The following NKAIN1 variants were observed in gnomAD, a reference collection of about 807,000 sequenced individuals.
The protein encoded by NKAIN1 is sodium/potassium transporting ATPase interacting 1.
A neutral mutation model predicts 31.6 loss-of-function variants in NKAIN1; 13 were observed. That is an observed-to-expected ratio of 0.41 (90% CI 0.27 to 0.65). NKAIN1 has a LOEUF of 0.65. Ranked by LOEUF, NKAIN1 falls within the 30% of genes least tolerant of loss-of-function variation. The probability of loss-of-function intolerance (pLI) is 0.30; values close to 1 mark genes in which losing one functional copy is unlikely to be tolerated. For synonymous variants in NKAIN1, 104 were observed against 109.0 expected (o/e 0.95, Z 0.28); for missense variants, 193 against 262.2 (o/e 0.74, Z 1.82).
At chr1:31,199,193 G>A (rs925093824) in intron 1 of NKAIN1, among the ~76,000 whole-genome samples, 5 of 152,152 alleles carry the variant, frequency 3.3e-5, no homozygotes, top group Middle Eastern at 3.2e-3. Context: ...ACTGAGGGAC[G>A]AGCTCTCCAT....
intron 1 of NKAIN1, among the ~76,000 whole-genome samples, chr1:31,200,085 A>G (rs962145776): frequency 2.0e-5 from 3 of 152,150 alleles, no homozygotes; most frequent in African/African-American, 7.2e-5. Context: ...ACATGCGCGC[A>G]CACGCATTCA....
intron 1 of NKAIN1, among the ~76,000 whole-genome samples, chr1:31,205,945 C>G (rs182200111): frequency 2.5e-4 from 38 of 150,800 alleles, no homozygotes; most frequent in African/African-American, 8.3e-4. Flanking sequence ...TTAAACTCTC[C>G]GGTTTAGGCC....
At chr1:31,225,028 C>CTTTTTTTTTTT (rs1645592013) in intron 1 of NKAIN1, among the ~76,000 whole-genome samples, 1 of 112,596 alleles carries the variant, frequency 8.9e-6, no homozygotes, top group Non-Finnish European at 1.7e-5. Context: ...TTTTTCTTTT[C>CTTTTTTTTTTT]TTTTCTTTTT....
At chr1:31,185,720 A>G (rs1645236717) in intron 2 of NKAIN1, among the ~76,000 whole-genome samples, 1 of 152,190 alleles carries the variant, frequency 6.6e-6, no homozygotes, top group African/African-American at 2.4e-5. Context: ...AAAAATGCAG[A>G]TTCTTGGGTC....
chr1:31,205,887 T>A (rs1386905769), intron 1 of NKAIN1, among the ~76,000 whole-genome samples: 1 of 148,860 alleles, frequency 6.7e-6, no homozygotes, highest in Non-Finnish European at 1.5e-5. Flanking sequence ...CCTCCCAAAA[T>A]GCTGGGATTA....
intron 4 of NKAIN1, among the ~76,000 whole-genome samples, chr1:31,183,390 A>G (rs1645217368): frequency 6.8e-6 from 1 of 147,742 alleles, no homozygotes; most frequent in African/African-American, 2.5e-5. Flanking sequence ...ATGGAAACAG[A>G]TCCAGACAAA....
intron 1 of NKAIN1, among the ~76,000 whole-genome samples, chr1:31,224,226 G>T (rs897052003): frequency 1.3e-5 from 2 of 152,140 alleles, no homozygotes; most frequent in African/African-American, 4.8e-5. Flanking sequence ...TGATAGGAGT[G>T]GTTCTAATTA....
intron 3 of NKAIN1, among the ~76,000 whole-genome samples, chr1:31,184,298 C>T (rs1024847846): frequency 3.9e-5 from 6 of 152,118 alleles, no homozygotes; most frequent in African/African-American, 1.4e-4. Context: ...GTACCAGCCC[C>T]TTAACAGCCC....
intron 1 of NKAIN1, among the ~76,000 whole-genome samples, chr1:31,222,422 G>A (rs1645571367): frequency 6.6e-6 from 1 of 152,182 alleles, no homozygotes; most frequent in South Asian, 2.1e-4. Context: ...CAGATAAAGG[G>A]GGCACAGTCC....
rs542466056 is a variant in NKAIN1 at position 31,188,046 on chromosome 1, G to A, written c.192+4C>T. The A allele has an allele frequency of 2.8e-5, 43 of 1,552,548 alleles. No individual in the cohort carries two copies. The Middle Eastern group carries it at 6.7e-4, about 24-fold the overall frequency. On this transcript the variant is annotated splice_donor_region_variant and intron_variant, in intron 2 of 6. Transcript: ENST00000373736. ...GGCTTGGGAAGGGGCTAGGTGAGCC[G>A]TACCAGGATGAGGTACCGGGAGCGG...
chr1:31,187,482 C>T (rs943411880), intron 2 of NKAIN1, among the ~76,000 whole-genome samples: 2 of 152,096 alleles, frequency 1.3e-5, no homozygotes, highest in South Asian at 2.1e-4. Flanking sequence ...TGATGTACAT[C>T]GGGCAAGAGA....
intron 1 of NKAIN1, among the ~76,000 whole-genome samples, chr1:31,238,428 A>T (rs1645708186): frequency 6.6e-6 from 1 of 152,074 alleles, no homozygotes; most frequent in Non-Finnish European, 1.5e-5. Context: ...GTCCCCATGC[A>T]CCTCTGCCTA....
At chr1:31,182,665 A>C in intron 4 of NKAIN1, 75 bp from the exon 5 acceptor site, 3 of 1,541,636 alleles carry the variant, frequency 1.9e-6, no homozygotes, top group Non-Finnish European at 2.7e-6. Flanking sequence ...CGGGCCCTGT[A>C]CGCTCTGACT....
At chr1:31,212,575 T>C (rs774550469) in intron 1 of NKAIN1, among the ~76,000 whole-genome samples, 7 of 152,090 alleles carry the variant, frequency 4.6e-5, no homozygotes, top group African/African-American at 7.2e-5. Context: ...CGGCTACTTT[T>C]TGGATTTTTG....
At chr1:31,232,228 A>G (rs1268680297) in intron 1 of NKAIN1, among the ~76,000 whole-genome samples, 1 of 148,866 alleles carries the variant, frequency 6.7e-6, no homozygotes, top group African/African-American at 2.5e-5. Context: ...AGTAGCTGGG[A>G]TTACAGGCAT....
At chr1:31,214,033 AATT>A (rs55910328) in intron 1 of NKAIN1, among the ~76,000 whole-genome samples, 1 of 150,832 alleles carries the variant, frequency 6.6e-6, no homozygotes, top group African/African-American at 2.4e-5. Flanking sequence ...TTAATTAATT[AATT>A]AATTAAACAA....
rs1008366168 is a variant in NKAIN1 at position 31,233,673 on chromosome 1, G to A, written c.54+5821C>T. Among the ~76,000 whole-genome samples the A allele has an allele frequency of 7.2e-5, 11 of 152,146 alleles. No homozygotes were observed. The highest frequency in any genetic ancestry group is 1.3e-4 in the Non-Finnish European group (9 of 68,030). Reference sequence around the variant, plus strand: ...TGTTTGTGGGAATGACCCTGATCACGAAATCCTCTAATACAGGCAGAGATG... The same window carrying A: ...TGTTTGTGGGAATGACCCTGATCACAAAATCCTCTAATACAGGCAGAGATG... On this transcript the variant is annotated intron_variant, in intron 1 of 6. Transcript: ENST00000373736. The surrounding 1 kb of genome is among the most constrained non-coding windows in gnomAD (Gnocchi z 4.0).
intron 1 of NKAIN1, among the ~76,000 whole-genome samples, chr1:31,189,084 C>T (rs1008391849): frequency 4.6e-5 from 7 of 151,922 alleles, no homozygotes; most frequent in Admixed American, 3.3e-4. Flanking sequence ...ATAACAAGAC[C>T]ACCTTGTGAA....
At chr1:31,189,057 G>A (rs1645266483) in intron 1 of NKAIN1, among the ~76,000 whole-genome samples, 1 of 151,536 alleles carries the variant, frequency 6.6e-6, no homozygotes. Context: ...ATTGGAGCTT[G>A]CCAACTTGCT....
Sources: gnomAD v4.1 joint callset for allele counts (sites outside exome capture counted in the v4.1 genomes callset) on GRCh38, gnomAD v4.1.1 for gene constraint, Gnocchi (gnomAD v3.1) non-coding constraint, MANE v1.5 for transcripts, NCBI Gene and HGNC (gene_info 2026-07-23, HGNC 2026-07-21) for gene names.